Variants in TJP1 observed in about 807,000 individuals in gnomAD.
TJP1 encodes the protein tight junction protein 1.
Under a neutral mutation model 194.2 loss-of-function variants are expected in TJP1, and 43 were observed. The ratio of observed to expected loss-of-function variants is 0.22; its 90% CI spans 0.17 to 0.29. The LOEUF (loss-of-function observed/expected upper bound fraction) is 0.29. Ranked by LOEUF, TJP1 falls within the 10% of genes least tolerant of loss-of-function variation. TJP1 has a pLI of 1.00. For missense variants in TJP1, 1,971 were observed against 2,185.7 expected (o/e 0.90, Z 1.96); for synonymous variants, 801 against 779.0 (o/e 1.03, Z -0.47).
chr15:29,755,017 C>T (rs1470523351), intron 8 of TJP1, among the ~76,000 whole-genome samples: 1 of 152,126 alleles, frequency 6.6e-6, no homozygotes, highest in Non-Finnish European at 1.5e-5. Flanking sequence ...AAAGCTAAGA[C>T]CACATAAGGA....
At chr15:29,778,231 C>A (rs1027816400) in intron 2 of TJP1, among the ~76,000 whole-genome samples, 3 of 151,864 alleles carry the variant, frequency 2.0e-5, no homozygotes, top group Admixed American at 6.6e-5. Flanking sequence ...ACCCAGGCTG[C>A]AGGTAAGAAT....
In TJP1 at chr15:29,737,299, T is replaced by C. The variant is rs1165773226; in HGVS notation, c.1372A>G (p.Lys458Glu). 6.2e-7 allele frequency: 1 copy of C among 1,614,060 alleles called. No individual in the cohort carries two copies. The highest frequency in any genetic ancestry group is 2.2e-5 in the East Asian group (1 of 44,890). ...TGATCACCTTCCTCTAAGCCTTCCT[T>C]GGCTGCAGGGCTATCTTCTAGAACG... Reference protein sequence around the residue: ...AGVLEDSPAAKEGLEEGDQIL... With the variant: ...AGVLEDSPAAEEGLEEGDQIL... The change falls in exon 11 of 28, where the codon AAG becomes GAG. Residue 458 changes from lysine to glutamate, a missense_variant. Lys to Glu is a moderately conservative substitution (Grantham distance 56, BLOSUM62 1). This residue lies in a region of TJP1 where 24 missense variants were observed against 54.2 expected (regional missense o/e 0.44). Transcript: ENST00000614355.
chr15:29,914,929 T>A (rs1758799283), intron 2 of TJP1, among the ~76,000 whole-genome samples: 1 of 152,142 alleles, frequency 6.6e-6, no homozygotes, highest in South Asian at 2.1e-4. Flanking sequence ...AACTGAGGTC[T>A]GTGAACAATA....
chr15:29,949,539 C>T (rs1223700774), intron 2 of TJP1, among the ~76,000 whole-genome samples: 7 of 143,658 alleles, frequency 4.9e-5, no homozygotes, highest in Non-Finnish European at 1.1e-4. Flanking sequence ...ACCTCCACCA[C>T]CACCACCTCC....
intron 8 of TJP1, among the ~76,000 whole-genome samples, chr15:29,746,610 G>A (rs1300421605): frequency 6.6e-6 from 1 of 151,886 alleles, no homozygotes; most frequent in East Asian, 1.9e-4. Context: ...GAATTTTACA[G>A]TTATCTCTAC....
intron 2 of TJP1, among the ~76,000 whole-genome samples, chr15:29,863,186 C>G (rs1422343225): frequency 1.3e-5 from 2 of 151,856 alleles, no homozygotes; most frequent in Non-Finnish European, 2.9e-5. Context: ...ATCCCAGCCA[C>G]TTGGGAGGCT....
In TJP1 at chr15:29,737,423, A is replaced by G. The variant is rs1164535880; in HGVS notation, c.1257-9T>C. On this transcript the variant is annotated splice_polypyrimidine_tract_variant and intron_variant, in intron 10 of 27. Coordinates refer to ENST00000614355, the MANE Select transcript of TJP1 (RefSeq NM_001330239.4). ...CCAATTTCATGCTGGGCCTGTTAAA[A>G]CAGATATTTCATTTGAAACAGTTAA... 1.2e-6 allele frequency: 2 copies of G among 1,614,132 alleles called. No individual in the cohort carries two copies. Among genetic ancestry groups the G allele is most frequent in the South Asian group, 2.2e-5 (2 of 91,064 alleles).
intron 2 of TJP1, among the ~76,000 whole-genome samples, chr15:29,796,355 A>AAAAAAAAAAAC (rs2048407541): frequency 6.6e-6 from 1 of 151,732 alleles, no homozygotes; most frequent in East Asian, 2.0e-4. Flanking sequence ...AAAAAAACAA[A>AAAAAAAAAAAC]AAAAAACCTG....
chr15:29,822,109 C>T lies in TJP1; in HGVS notation c.-81G>A, dbSNP rs2050426010. The T allele has an allele frequency of 8.2e-7, 1 of 1,226,746 alleles. No homozygotes were observed. Among genetic ancestry groups the T allele is most frequent in the South Asian group, 3.5e-5 (1 of 28,198 alleles). The allele number at this position is 1,226,746 out of a possible 1,614,324, so 76.0% of individuals were successfully genotyped here. Reference sequence around the variant, plus strand: ...GGCCCGCCCGCTCCTCACGCCACAGCCCAAATAAACATCTCCCGAGAGCGA... The same window carrying T: ...GGCCCGCCCGCTCCTCACGCCACAGTCCAAATAAACATCTCCCGAGAGCGA... On this transcript the variant is annotated 5_prime_UTR_variant, in exon 1 of 28. Coordinates refer to ENST00000614355, the MANE Select transcript of TJP1 (RefSeq NM_001330239.4).
At chr15:29,792,156 T>G (rs2048137966) in intron 2 of TJP1, among the ~76,000 whole-genome samples, 1 of 152,236 alleles carries the variant, frequency 6.6e-6, no homozygotes, top group Non-Finnish European at 1.5e-5. Context: ...TGTGGTTGCC[T>G]GTTCTTTGGA....
intron 8 of TJP1, among the ~76,000 whole-genome samples, chr15:29,750,390 C>T (rs574468312): frequency 1.0e-3 from 153 of 152,254 alleles, no homozygotes; most frequent in African/African-American, 3.4e-3. Context: ...CTGCTCGCCT[C>T]GGCCTCCCAA....
chr15:29,717,671 T>TG (rs2042649568), intron 22 of TJP1, among the ~76,000 whole-genome samples: 1 of 152,250 alleles, frequency 6.6e-6, no homozygotes, highest in Non-Finnish European at 1.5e-5. Context: ...AATCTGAGTC[T>TG]GTTTCCTCAC....
chr15:29,832,631 T>C (rs894867101), intron 2 of TJP1, among the ~76,000 whole-genome samples: 1 of 152,120 alleles, frequency 6.6e-6, no homozygotes, highest in Non-Finnish European at 1.5e-5. Context: ...TAGAAAATGG[T>C]ATATATGGAA....
exon 1 of TJP1, chr15:29,968,792 C>A: frequency 8.4e-7 from 1 of 1,196,150 alleles, no homozygotes; most frequent in Non-Finnish European, 1.1e-6. Flanking sequence ...GGGCAGGGCC[C>A]CGCCGCCTCC....
intron 2 of TJP1, among the ~76,000 whole-genome samples, chr15:29,776,769 C>T (rs2047039330): frequency 1.3e-5 from 2 of 152,272 alleles, no homozygotes; most frequent in South Asian, 2.1e-4. Context: ...GTTAATATCA[C>T]TATCAAGGTT....
intron 2 of TJP1, among the ~76,000 whole-genome samples, chr15:29,849,980 T>C (rs1348893653): frequency 6.6e-6 from 1 of 152,128 alleles, no homozygotes; most frequent in Admixed American, 6.5e-5. Flanking sequence ...CTTGGATCAC[T>C]CGCTCTGGGG....
intron 2 of TJP1, among the ~76,000 whole-genome samples, chr15:29,836,945 G>A (rs925777374): frequency 6.6e-6 from 1 of 152,146 alleles, no homozygotes; most frequent in Non-Finnish European, 1.5e-5. Flanking sequence ...CAGCCCCCTT[G>A]GACCTTGCAG....
intron 26 of TJP1, 50 bp downstream of exon 26, chr15:29,705,478 A>T (rs1243013531): frequency 1.3e-6 from 2 of 1,578,276 alleles, no homozygotes; most frequent in East Asian, 4.5e-5. Context: ...AAGTGCACAC[A>T]GGGCAACTCT....
At chr15:29,707,613 T>C (rs2041979960) in intron 25 of TJP1, among the ~76,000 whole-genome samples, 1 of 152,184 alleles carries the variant, frequency 6.6e-6, no homozygotes, top group Non-Finnish European at 1.5e-5. Context: ...TGTAGGAGGC[T>C]GAGATGAGCT....
Sources: gnomAD v4.1 joint callset for allele counts (sites outside exome capture counted in the v4.1 genomes callset) on GRCh38, gnomAD v4.1.1 for gene constraint, gnomAD v4.1.1 regional missense constraint, MANE v1.5 for transcripts, NCBI Gene and HGNC (gene_info 2026-07-23, HGNC 2026-07-21) for gene names.